Variants in CIT observed in about 807,000 individuals in gnomAD.
The protein encoded by CIT is citron Rho-interacting kinase.
CIT carries 79 observed loss-of-function variants against 272.7 expected under a neutral mutation model. That is an observed-to-expected ratio of 0.29 (90% CI 0.24 to 0.35). CIT has a LOEUF of 0.35. Among genes scored for constraint, CIT ranks in the 10% least tolerant of loss-of-function variants. The pLI is 1.00. For missense variants in CIT, 1,909 were observed against 2,618.3 expected (o/e 0.73, Z 5.91); for synonymous variants, 948 against 995.6 (o/e 0.95, Z 0.90).
intron 24 of CIT, among the ~76,000 whole-genome samples, chr12:119,735,644 C>A (rs991080815): frequency 1.2e-4 from 18 of 152,020 alleles, no homozygotes. Context: ...CGGATGACTT[C>A]GAATGAGATC....
chr12:119,839,246 C>T (rs139693827), intron 5 of CIT, among the ~76,000 whole-genome samples: 2 of 152,332 alleles, frequency 1.3e-5, no homozygotes, highest in African/African-American at 4.8e-5. Flanking sequence ...CGTGCACACA[C>T]ACATATACAA....
At chr12:119,812,762 T>C (rs1425359086) in intron 9 of CIT, among the ~76,000 whole-genome samples, 4 of 150,948 alleles carry the variant, frequency 2.6e-5, no homozygotes, top group African/African-American at 9.7e-5. Context: ...TTTTTTTTTT[T>C]TGAGATGGAG....
chr12:119,766,877 A>C (rs1020289075), intron 19 of CIT, among the ~76,000 whole-genome samples: 1 of 139,408 alleles, frequency 7.2e-6, no homozygotes, highest in Non-Finnish European at 1.5e-5. Flanking sequence ...GACCACATTT[A>C]AAAAAAAAAA....
At chr12:119,821,166 A>T (rs892867065) in intron 9 of CIT, among the ~76,000 whole-genome samples, 5 of 151,930 alleles carry the variant, frequency 3.3e-5, no homozygotes, top group Non-Finnish European at 7.4e-5. Flanking sequence ...GTGGTGGTGC[A>T]TGCCTATAAT....
Position 119,742,417 on chromosome 12 carries a change from G to A in CIT, c.2952C>T (p.Ser984=). The A allele has an allele frequency of 6.2e-7, 1 of 1,608,990 alleles. No homozygotes were observed. Among genetic ancestry groups the A allele is most frequent in the Non-Finnish European group, 8.5e-7 (1 of 1,177,810 alleles). The change falls in exon 24 of 48, where the codon AGC becomes AGT. Residue 984 remains serine, a synonymous_variant. Transcript: ENST00000392521. ...IQRKFDALRN[S]CTVITDLEEQ... ...TTGGGTAATTAATACTCACAGTACA[G>A]CTGTTACGAAGAGCATCAAATTTGC...
At chr12:119,875,113 G>C (rs1298291014) in intron 2 of CIT, among the ~76,000 whole-genome samples, 1 of 152,108 alleles carries the variant, frequency 6.6e-6, no homozygotes, top group Non-Finnish European at 1.5e-5. Flanking sequence ...GACCTGCCTG[G>C]GCAACATGGT....
intron 4 of CIT, among the ~76,000 whole-genome samples, chr12:119,852,930 T>C (rs1306897774): frequency 6.6e-6 from 1 of 152,094 alleles, no homozygotes; most frequent in Non-Finnish European, 1.5e-5. Flanking sequence ...AAAAAGTTGT[T>C]TATACTGTAT....
At chr12:119,860,302 A>C (rs1219047023) in intron 3 of CIT, among the ~76,000 whole-genome samples, 2 of 152,078 alleles carry the variant, frequency 1.3e-5, no homozygotes, top group East Asian at 3.9e-4. Context: ...ACCAGGCAAG[A>C]GTGGTGGGTG....
intron 10 of CIT, among the ~76,000 whole-genome samples, chr12:119,790,233 C>T (rs757670514): frequency 4.6e-5 from 7 of 151,824 alleles, no homozygotes; most frequent in Non-Finnish European, 8.8e-5. Flanking sequence ...TATATTATTA[C>T]CAAATATAGC....
intron 28 of CIT, among the ~76,000 whole-genome samples, chr12:119,724,811 C>T (rs976091852): frequency 2.6e-5 from 4 of 151,352 alleles, no homozygotes; most frequent in Non-Finnish European, 4.4e-5. Flanking sequence ...TGATAGCAGG[C>T]ACCTGTAGTC....
In CIT at chr12:119,852,470, T is replaced by G. The variant is rs1042217755; in HGVS notation, c.415-2195A>C. 3.9e-5 allele frequency among the ~76,000 whole-genome samples: 6 copies of G among 152,184 alleles called. No individual in the cohort carries two copies. In the East Asian group the frequency reaches 9.7e-4, roughly 25 times the overall value. ...GGCTCACGCCTGAAATCCCAGCACTTTGGGAGGCCAAGGCGGGCGGATCAC... is the reference window on the plus strand; with the variant it reads ...GGCTCACGCCTGAAATCCCAGCACTGTGGGAGGCCAAGGCGGGCGGATCAC... On this transcript the variant is annotated intron_variant, in intron 4 of 47. Transcript: ENST00000392521.
chr12:119,815,018 A>G (rs1967017594), intron 9 of CIT, among the ~76,000 whole-genome samples: 1 of 149,482 alleles, frequency 6.7e-6, no homozygotes, highest in Admixed American at 6.7e-5. Context: ...AGCCTGGCTG[A>G]CAGAGGAAGA....
At chr12:119,753,793 TAC>T (rs1394840785) in intron 22 of CIT, among the ~76,000 whole-genome samples, 2 of 151,434 alleles carry the variant, frequency 1.3e-5, no homozygotes, top group African/African-American at 4.8e-5. Flanking sequence ...ACGGGTGAAT[TAC>T]ACAAATAGAC....
chr12:119,705,826 A>G (rs1956848247), intron 40 of CIT, among the ~76,000 whole-genome samples: 1 of 146,402 alleles, frequency 6.8e-6, no homozygotes, highest in Non-Finnish European at 1.5e-5. Context: ...GCAGTGGCTC[A>G]TGCCTGTAAT....
Position 119,690,584 on chromosome 12 carries a change from C to T in CIT, c.5883-130G>A, listed in dbSNP as rs1357931371. On this transcript the variant is annotated intron_variant, in intron 46 of 47. Coordinates refer to ENST00000392521, the MANE Select transcript of CIT (RefSeq NM_001206999.2). This position sits in a 1 kb window ranked among gnomAD's most constrained non-coding sequence, Gnocchi z 6.0. ...TTATCAAGAGATTAGACCTGGAGTT[C>T]TTTGGACTTTGCCTGCATTTGATTT... The T allele has an allele frequency of 1.1e-6, 1 of 880,396 alleles. No homozygotes were observed. The highest frequency in any genetic ancestry group is 1.6e-6 in the Non-Finnish European group (1 of 612,610). 54.5% of individuals were successfully genotyped at this position (880,396 alleles called of 1,614,324 possible).
chr12:119,747,769 T>C (rs944746288), intron 23 of CIT, among the ~76,000 whole-genome samples: 60 of 152,318 alleles, frequency 3.9e-4, no homozygotes, highest in African/African-American at 1.4e-3. Context: ...CAAATATTTA[T>C]TTTTTATTTC....
chr12:119,785,146 AT>A, intron 10 of CIT, 81 bp from the exon 11 acceptor site: 1 of 1,448,294 alleles, frequency 6.9e-7, no homozygotes. Context: ...CATTTGTTTC[AT>A]TTTACAAAAA....
rs1957234406 is a variant in CIT, at chr12:119,712,783, G to C, written c.4580-88C>G. 9 of 1,083,260 alleles carry C rather than the reference G, an allele frequency of 8.3e-6. No homozygotes were observed. In the South Asian group the frequency reaches 1.2e-4, roughly 15 times the overall value. The allele number at this position is 1,083,260 out of a possible 1,614,324, so 67.1% of individuals were successfully genotyped here. A position where few individuals can be genotyped will look rare whatever the true frequency, so the allele number is the denominator to read the frequency against. On this transcript the variant is annotated intron_variant, in intron 35 of 47. Transcript: ENST00000392521. The surrounding 1 kb of genome is among the most constrained non-coding windows in gnomAD (Gnocchi z 5.2). ...AGAGAGAGCGAGAGAGACAGCAAGGGAGAGAGAGACAGGGTACGTGTGTAA... is the reference window on the plus strand; with the variant it reads ...AGAGAGAGCGAGAGAGACAGCAAGGCAGAGAGAGACAGGGTACGTGTGTAA...
chr12:119,793,072 AC>A (rs921258597), intron 10 of CIT, among the ~76,000 whole-genome samples: 17 of 151,446 alleles, frequency 1.1e-4, no homozygotes, highest in East Asian at 3.9e-4. Flanking sequence ...GCTTTGGGGC[AC>A]CCCCCCTCCC....
Sources: allele counts gnomAD v4.1 joint callset (sites outside exome capture counted in the v4.1 genomes callset), GRCh38; gene constraint gnomAD v4.1.1; non-coding constraint Gnocchi (gnomAD v3.1); transcripts MANE v1.5; gene names NCBI Gene and HGNC (gene_info 2026-07-23, HGNC 2026-07-21).